Variants in TOGARAM2 observed in about 807,000 individuals in gnomAD.
The protein encoded by TOGARAM2 is TOG array regulator of axonemal microtubules protein 2.
In TOGARAM2, 85 loss-of-function variants were observed where a neutral mutation model predicts 93.3. The observed-to-expected ratio is 0.91, with a 90% CI of 0.76 to 1.09. TOGARAM2 has a LOEUF of 1.09. Among genes scored for constraint, TOGARAM2 ranks in the 50% least tolerant of loss-of-function variants. The pLI, the probability that TOGARAM2 is intolerant of heterozygous loss-of-function variation, is 0.00. For synonymous variants in TOGARAM2, 593 were observed against 552.8 expected, an observed-to-expected ratio of 1.07 and a Z score of -1.02; for missense variants, 1,277 against 1,334.5, an observed-to-expected ratio of 0.96 and a Z score of 0.67.
chr2:28,958,144 G>C (rs1451638569), intron 1 of TOGARAM2, among the ~76,000 whole-genome samples: 1 of 152,184 alleles, frequency 6.6e-6, no homozygotes, highest in Non-Finnish European at 1.5e-5. Flanking sequence ...TTTGCAACTT[G>C]AGCATTTTAG....
At position 29,043,384 on chromosome 2, in the gene TOGARAM2, C is replaced by G. The variant is rs1666551059; in HGVS notation, c.2636-1940C>G. On this transcript the variant is annotated intron_variant, in intron 18 of 19. Coordinates refer to ENST00000379558, the MANE Select transcript of TOGARAM2 (RefSeq NM_199280.4). ...ATAAACTTGTGCCTGATGAGAAAAA[C>G]AAAGCACTGAGTGCCCCTCTCCAGG... 2.6e-5 allele frequency among the ~76,000 whole-genome samples: 4 copies of G among 152,284 alleles called. 1 individual carries two copies. The highest frequency in any genetic ancestry group is 6.5e-5 in the Admixed American group (1 of 15,304).
At chr2:28,970,922 A>C (rs1171269482) in intron 1 of TOGARAM2, 1 of 152,254 alleles carries the variant, frequency 6.6e-6, no homozygotes, top group African/African-American at 2.4e-5. Flanking sequence ...CAGTGCCCAG[A>C]GACCTCTGGG....
chr2:29,003,867 G>T (rs1036173034), intron 6 of TOGARAM2, among the ~76,000 whole-genome samples, 185 bp downstream of exon 6: 4 of 152,240 alleles, frequency 2.6e-5, no homozygotes, highest in Non-Finnish European at 5.9e-5. Flanking sequence ...GGTTGCCGGG[G>T]CTTCTCTGCC....
At chr2:28,999,728 C>T (rs891659650) in intron 4 of TOGARAM2, among the ~76,000 whole-genome samples, 1 of 152,224 alleles carries the variant, frequency 6.6e-6, no homozygotes, top group African/African-American at 2.4e-5. Context: ...CCAGAAGGAT[C>T]CTTTTAAGCA....
At chr2:28,998,118 T>G in intron 2 of TOGARAM2, 25 bp from the exon 3 acceptor site, 1 of 1,529,382 alleles carries the variant, frequency 6.5e-7, no homozygotes, top group Non-Finnish European at 8.9e-7. Flanking sequence ...TCTCAGGTGC[T>G]GCTCTCCTGT....
At chr2:28,996,275 T>C (rs1672984556) in intron 2 of TOGARAM2, among the ~76,000 whole-genome samples, 1 of 152,200 alleles carries the variant, frequency 6.6e-6, no homozygotes, top group Non-Finnish European at 1.5e-5. Context: ...TCTAGCTATT[T>C]TGAATTATAC....
intron 6 of TOGARAM2, among the ~76,000 whole-genome samples, chr2:29,008,386 G>C (rs923476795): frequency 7.2e-5 from 11 of 152,046 alleles, no homozygotes; most frequent in Admixed American, 7.2e-4. Context: ...CCTGACCTTA[G>C]GTGATCTGCC....
At chr2:28,974,212 C>T (rs1463478185) in intron 1 of TOGARAM2, among the ~76,000 whole-genome samples, 1 of 151,092 alleles carries the variant, frequency 6.6e-6, no homozygotes, top group African/African-American at 2.4e-5. Flanking sequence ...ACTGCAACCT[C>T]TGCCTCCTGG....
At chr2:29,009,948 G>A (rs1664124259) in intron 6 of TOGARAM2, among the ~76,000 whole-genome samples, 1 of 152,078 alleles carries the variant, frequency 6.6e-6, no homozygotes, top group African/African-American at 2.4e-5. Context: ...GAGAAGGGGA[G>A]GGCAAGAGGC....
At chr2:28,985,101 G>A (rs974958290) in intron 1 of TOGARAM2, among the ~76,000 whole-genome samples, 1 of 152,190 alleles carries the variant, frequency 6.6e-6, no homozygotes, top group African/African-American at 2.4e-5. Flanking sequence ...TAGGAGGTGG[G>A]GCCTTCGGGA....
chr2:29,017,952 CTCA>C lies in TOGARAM2; in HGVS notation c.1357_1359del (p.Ser453del), dbSNP rs928508498. 3.1e-6 allele frequency: 5 copies of C among 1,601,010 alleles called. No homozygotes were observed. In the Admixed American group the frequency reaches 6.8e-5, roughly 22 times the overall value. ...AGGAGCCCCGCTTTGCCCGCCACGC[CTCA>C]GGTGGGCAGGCCCGACTGGCAGGCA... On this transcript the variant is annotated inframe_deletion and splice_region_variant, in exon 10 of 20. Transcript: ENST00000379558.
chr2:28,994,444 T>A (rs954339430), intron 1 of TOGARAM2, among the ~76,000 whole-genome samples: 15 of 152,142 alleles, frequency 9.9e-5, no homozygotes, highest in Non-Finnish European at 1.5e-4. Context: ...AAAAATCATC[T>A]TTCCCCGCGA....
chr2:29,016,847 C>T (rs1279725776), intron 8 of TOGARAM2, among the ~76,000 whole-genome samples: 1 of 152,228 alleles, frequency 6.6e-6, no homozygotes, highest in Non-Finnish European at 1.5e-5. Context: ...TGGGGCTGGT[C>T]TCCTTCCTTT....
chr2:28,991,424 C>T (rs965813558), intron 1 of TOGARAM2, among the ~76,000 whole-genome samples: 5 of 152,166 alleles, frequency 3.3e-5, no homozygotes, highest in Admixed American at 1.3e-4. Context: ...AGTTTGTAAA[C>T]GCTGCCACCT....
intron 1 of TOGARAM2, among the ~76,000 whole-genome samples, chr2:28,982,993 C>T (rs1456894537): frequency 6.6e-6 from 1 of 150,922 alleles, no homozygotes; most frequent in Non-Finnish European, 1.5e-5. Flanking sequence ...AATTTAATTT[C>T]GCTTCATTTT....
At chr2:28,974,569 A>C (rs1387689973) in intron 1 of TOGARAM2, among the ~76,000 whole-genome samples, 1 of 151,666 alleles carries the variant, frequency 6.6e-6, no homozygotes, top group Non-Finnish European at 1.5e-5. Context: ...CAAATGTTAG[A>C]TATTTTGTTG....
Position 29,002,688 on chromosome 2 carries a change from G to GCCA in TOGARAM2, c.580_581insCCA (p.Gly194delinsAlaSer). The stretch of plus-strand genomic sequence containing the variant: ...TGAGGCCAGCGGAGTCAAAGAGAAG[G>GCCA]GCCTGGACCTACCGGGGAGCATTCC... On this transcript the variant is annotated protein_altering_variant, in exon 5 of 20. Coordinates refer to ENST00000379558, the MANE Select transcript of TOGARAM2 (RefSeq NM_199280.4). The GCCA allele has an allele frequency of 6.2e-7, 1 of 1,614,000 alleles. No homozygotes were observed. Among genetic ancestry groups the GCCA allele is most frequent in the South Asian group, 1.1e-5 (1 of 91,078 alleles).
At chr2:29,011,779 G>C (rs1664265564) in intron 7 of TOGARAM2, among the ~76,000 whole-genome samples, 2 of 152,216 alleles carry the variant, frequency 1.3e-5, no homozygotes, top group African/African-American at 4.8e-5. Context: ...GCCTCGATAA[G>C]AGAGACAATT....
chr2:29,008,331 A>G (rs1020427475), intron 6 of TOGARAM2, among the ~76,000 whole-genome samples: 3 of 152,044 alleles, frequency 2.0e-5, no homozygotes, highest in Admixed American at 6.5e-5. Context: ...TTGTAATTTT[A>G]GTAGAGCTGC....
Sources: allele counts gnomAD v4.1 joint callset (sites outside exome capture counted in the v4.1 genomes callset), GRCh38; gene constraint gnomAD v4.1.1; transcripts MANE v1.5; gene names NCBI Gene and HGNC (gene_info 2026-07-23, HGNC 2026-07-21).